Variants in SEMA5A observed in about 807,000 individuals in gnomAD.
The protein encoded by SEMA5A is semaphorin 5A.
SEMA5A carries 55 observed loss-of-function variants against 135.5 expected under a neutral mutation model. The observed-to-expected ratio is 0.41, with a 90% CI of 0.33 to 0.51. The LOEUF (loss-of-function observed/expected upper bound fraction) is 0.51, where lower values mean the gene tolerates loss of function less well. Among genes scored for constraint, SEMA5A ranks in the 20% least tolerant of loss-of-function variants. SEMA5A has a pLI of 0.37. For synonymous variants in SEMA5A, 580 were observed against 546.5 expected (o/e 1.06, Z -0.85); for missense variants, 1,290 against 1,419.9 (o/e 0.91, Z 1.47).
intron 3 of SEMA5A, among the ~76,000 whole-genome samples, chr5:9,361,576 T>G (rs73052652): frequency 0.019 from 2,854 of 152,296 alleles, 92 homozygotes; most frequent in African/African-American, 0.065. Context: ...ATGCATCACC[T>G]TCTAAGAGAT....
chr5:9,402,896 T>G (rs944877564), intron 2 of SEMA5A, among the ~76,000 whole-genome samples: 4 of 152,164 alleles, frequency 2.6e-5, no homozygotes, highest in African/African-American at 9.7e-5. Context: ...ATCAGGAACT[T>G]CTGGACTTGG....
intron 5 of SEMA5A, among the ~76,000 whole-genome samples, chr5:9,269,485 C>G (rs551594500): frequency 1.3e-5 from 2 of 152,172 alleles, no homozygotes; most frequent in South Asian, 4.2e-4. Context: ...AATGGCCTCA[C>G]CTGTCTAAGT....
At position 9,037,590 on chromosome 5, in the gene SEMA5A, G is replaced by C. The variant is rs1042616090; in HGVS notation, c.*5307C>G. ...AGTCCATAGGAAAGGAGTATTTAAAGAGTCGTTTTAGAAATCATCACCAGC... is the reference window on the plus strand; with the variant it reads ...AGTCCATAGGAAAGGAGTATTTAAACAGTCGTTTTAGAAATCATCACCAGC... On this transcript the variant is annotated 3_prime_UTR_variant, in exon 23 of 23. Coordinates refer to ENST00000382496, the MANE Select transcript of SEMA5A (RefSeq NM_003966.3). 1 of 152,152 alleles carries C rather than the reference G, an allele frequency of 6.6e-6. No individual in the cohort carries two copies. The highest frequency in any genetic ancestry group is 1.5e-5 in the Non-Finnish European group (1 of 68,028). The allele number at this position is 152,152 out of a possible 1,614,324, so 9.4% of individuals were successfully genotyped here.
intron 2 of SEMA5A, among the ~76,000 whole-genome samples, chr5:9,389,701 C>T (rs371266560): frequency 2.5e-4 from 38 of 152,322 alleles, no homozygotes; most frequent in African/African-American, 8.9e-4. Flanking sequence ...CTTACCTCTG[C>T]AATTTCAGCC....
intron 12 of SEMA5A, among the ~76,000 whole-genome samples, chr5:9,138,868 A>C (rs546534137): frequency 6.6e-6 from 1 of 152,286 alleles, no homozygotes; most frequent in Admixed American, 6.5e-5. Flanking sequence ...TTGCTTTTCT[A>C]TTCCTGAGTT....
At chr5:9,376,806 CA>C (rs1380917940) in intron 3 of SEMA5A, among the ~76,000 whole-genome samples, 2 of 152,124 alleles carry the variant, frequency 1.3e-5, no homozygotes, top group African/African-American at 4.8e-5. Context: ...GGAAAGGCGG[CA>C]GAGAAATAGG....
intron 16 of SEMA5A, among the ~76,000 whole-genome samples, chr5:9,082,735 A>G (rs1738459046): frequency 6.6e-6 from 1 of 152,210 alleles, no homozygotes. Flanking sequence ...CTGGAAGCAA[A>G]TATCAGATGC....
chr5:9,084,932 G>A (rs1003479805), intron 16 of SEMA5A, among the ~76,000 whole-genome samples: 1 of 152,172 alleles, frequency 6.6e-6, no homozygotes, highest in African/African-American at 2.4e-5. Flanking sequence ...CCAGGCTGAG[G>A]TGGTCTCAAA....
intron 3 of SEMA5A, among the ~76,000 whole-genome samples, chr5:9,357,761 C>A (rs1476983241): frequency 6.6e-6 from 1 of 152,184 alleles, no homozygotes; most frequent in Non-Finnish European, 1.5e-5. Flanking sequence ...GAGGAGTGAG[C>A]ACTCCAAAGC....
intron 1 of SEMA5A, among the ~76,000 whole-genome samples, chr5:9,456,412 A>C (rs965357505): frequency 2.6e-5 from 4 of 152,216 alleles, no homozygotes; most frequent in African/African-American, 9.6e-5. Context: ...AACACAACAA[A>C]ACAAGAAAAT....
intron 10 of SEMA5A, among the ~76,000 whole-genome samples, chr5:9,195,854 A>T (rs1392834286): frequency 6.6e-6 from 1 of 152,232 alleles, no homozygotes; most frequent in Non-Finnish European, 1.5e-5. Context: ...CAGATACAGG[A>T]CCCACTTCTA....
At chr5:9,069,549 A>G (rs1248779010) in intron 16 of SEMA5A, among the ~76,000 whole-genome samples, 1 of 152,186 alleles carries the variant, frequency 6.6e-6, no homozygotes. Context: ...GTACTGTTTT[A>G]AATACTCTAA....
intron 19 of SEMA5A, 27 bp from the exon 20 acceptor site, chr5:9,052,055 G>T (rs547857526): frequency 1.3e-6 from 2 of 1,542,146 alleles, no homozygotes; most frequent in Non-Finnish European, 1.7e-6. Flanking sequence ...AGGGGAGATG[G>T]GGCGGAATGG....
Position 9,190,291 on chromosome 5 carries a change from CG to C in SEMA5A, c.1248del (p.Val417SerfsTer20). The C allele has an allele frequency of 6.2e-7, 1 of 1,614,010 alleles. No homozygotes were observed. The highest frequency in any genetic ancestry group is 8.5e-7 in the Non-Finnish European group (1 of 1,179,998). ...CCTGTGGCCAAATAGATGATGTGGA[CG>C]AGCGCTTCTCTGCCCTGCACCACGT... ...AVDVVQGREA[L>X]VHIIYLATDY... On this transcript the variant is annotated frameshift_variant, in exon 11 of 23. Coordinates refer to ENST00000382496, the MANE Select transcript of SEMA5A (RefSeq NM_003966.3). LOFTEE classifies it high-confidence loss of function.
At chr5:9,326,090 T>C (rs1021586444) in intron 4 of SEMA5A, among the ~76,000 whole-genome samples, 1 of 152,118 alleles carries the variant, frequency 6.6e-6, no homozygotes, top group Non-Finnish European at 1.5e-5. Flanking sequence ...AGCTGACCAG[T>C]CTCTCCTGTC....
At chr5:9,050,074 C>T (rs1736481614) in intron 21 of SEMA5A, among the ~76,000 whole-genome samples, 1 of 152,038 alleles carries the variant, frequency 6.6e-6, no homozygotes, top group Admixed American at 6.6e-5. Flanking sequence ...CCATAAGAAT[C>T]ACCTGCAAGG....
chr5:9,262,877 C>A (rs549093744), intron 5 of SEMA5A, among the ~76,000 whole-genome samples: 1,632 of 113,518 alleles, frequency 0.014, 54 homozygotes, highest in African/African-American at 0.052. Context: ...GCACATGTAC[C>A]CTAAAACTTA....
At chr5:9,457,657 A>T (rs1758890613) in intron 1 of SEMA5A, among the ~76,000 whole-genome samples, 1 of 152,196 alleles carries the variant, frequency 6.6e-6, no homozygotes, top group Non-Finnish European at 1.5e-5. Context: ...GGCCCATTTG[A>T]GGACTAACAA....
At chr5:9,402,173 C>T (rs1488636524) in intron 2 of SEMA5A, among the ~76,000 whole-genome samples, 1 of 152,188 alleles carries the variant, frequency 6.6e-6, no homozygotes, top group African/African-American at 2.4e-5. Flanking sequence ...CAAGGAGATG[C>T]AAGTCACGGC....
Sources: gnomAD v4.1 joint callset for allele counts (sites outside exome capture counted in the v4.1 genomes callset) on GRCh38, gnomAD v4.1.1 for gene constraint, MANE v1.5 for transcripts, NCBI Gene and HGNC (gene_info 2026-07-23, HGNC 2026-07-21) for gene names.